ICE2: variants seen among roughly 807,000 people sequenced by gnomAD.
The protein encoded by ICE2 is interactor of little elongation complex ELL subunit 2.
In ICE2, 87 loss-of-function variants were observed where a neutral mutation model predicts 105.4. That is an observed-to-expected ratio of 0.83 (90% CI 0.69 to 0.99). The LOEUF is 0.99. Ranked by LOEUF, ICE2 falls within the 50% of genes least tolerant of loss-of-function variation. The probability of loss-of-function intolerance (pLI) is 0.00; values close to 1 mark genes in which losing one functional copy is unlikely to be tolerated. For missense variants in ICE2, 1,323 were observed against 1,146.7 expected (o/e 1.15, Z -2.22); for synonymous variants, 399 against 392.0 (o/e 1.02, Z -0.21).
intron 6 of ICE2, 75 bp downstream of exon 6, chr15:60,456,582 T>TAC (rs1328956504): frequency 2.6e-4 from 34 of 129,282 alleles, no homozygotes; most frequent in African/African-American, 8.1e-4. Context: ...TATATATATA[T>TAC]ATACACACAC....
intron 9 of ICE2, chr15:60,453,351 A>G (rs2064011846): frequency 8.1e-7 from 1 of 1,241,098 alleles, no homozygotes; most frequent in Admixed American, 3.9e-5. Flanking sequence ...TTTAACATAA[A>G]ATATCAAACT....
intron 11 of ICE2, among the ~76,000 whole-genome samples, chr15:60,446,389 T>A (rs565967494): frequency 6.6e-6 from 1 of 152,214 alleles, no homozygotes; most frequent in Non-Finnish European, 1.5e-5. Flanking sequence ...TGTGGAAAAG[T>A]TGGCACTTTT....
At chr15:60,466,292 T>C (rs7170244) in intron 5 of ICE2, among the ~76,000 whole-genome samples, 148,676 of 152,292 alleles carry the variant, frequency 0.98, 72,657 homozygotes, top group Middle Eastern at 1. Flanking sequence ...ACGCTTTAAA[T>C]GCTATTCTCT....
chr15:60,439,839 A>G (rs1032173748), intron 12 of ICE2: 4 of 152,316 alleles, frequency 2.6e-5, no homozygotes, highest in East Asian at 1.9e-4. Flanking sequence ...TTATGTCACA[A>G]TGCTTTCACT....
chr15:60,428,942 T>TTTTCA (rs1259662461), intron 14 of ICE2, among the ~76,000 whole-genome samples: 4 of 152,218 alleles, frequency 2.6e-5, no homozygotes, highest in Non-Finnish European at 4.4e-5. Flanking sequence ...AATTCGTAAG[T>TTTTCA]TTTCATTTAA....
At chr15:60,432,083 CA>C (rs2063472139) in intron 13 of ICE2, 99 bp from the exon 14 acceptor site, 1 of 548,648 alleles carries the variant, frequency 1.8e-6, no homozygotes, top group Non-Finnish European at 3.3e-6. Context: ...ATAACAACAA[CA>C]AAAACAGCGG....
At chr15:60,442,362 G>A (rs1266306757) in intron 12 of ICE2, 54 bp downstream of exon 12, 1 of 1,448,940 alleles carries the variant, frequency 6.9e-7, no homozygotes, top group Non-Finnish European at 9.4e-7. Context: ...GAATTTACAA[G>A]TATGTAATTA....
At chr15:60,465,855 G>A (rs145770071) in intron 5 of ICE2, among the ~76,000 whole-genome samples, 97 of 150,404 alleles carry the variant, frequency 6.4e-4, no homozygotes, top group African/African-American at 2.1e-3. Flanking sequence ...GGGTTCAAGC[G>A]ATTCTCCTGC....
chr15:60,451,077 A>G, intron 9 of ICE2: 1 of 690,532 alleles, frequency 1.4e-6, no homozygotes, highest in Non-Finnish European at 1.8e-6. Flanking sequence ...TGAAAAAAGA[A>G]AATCCATGAT....
chr15:60,445,653 A>T, intron 11 of ICE2: 1 of 984,516 alleles, frequency 1.0e-6, no homozygotes, highest in Non-Finnish European at 1.2e-6. Context: ...CTTGAAATTT[A>T]CAAATTTCAC....
At chr15:60,445,853 G>C in intron 11 of ICE2, 1 of 830,022 alleles carries the variant, frequency 1.2e-6, no homozygotes, top group Non-Finnish European at 1.5e-6. Flanking sequence ...AATGAGGTTA[G>C]CCTCAAAATA....
chr15:60,448,204 G>T, intron 10 of ICE2, 59 bp from the exon 11 acceptor site: 1 of 1,073,676 alleles, frequency 9.3e-7, no homozygotes, highest in Non-Finnish European at 1.3e-6. Flanking sequence ...TCATAAGCAA[G>T]GATACAACAA....
intron 5 of ICE2, among the ~76,000 whole-genome samples, chr15:60,461,354 T>TA (rs1430377779): frequency 1.3e-5 from 2 of 151,754 alleles, no homozygotes; most frequent in Non-Finnish European, 2.9e-5. Context: ...TACGGCTTAA[T>TA]AAAAATAAAA....
chr15:60,423,781 A>C lies in ICE2; in HGVS notation c.2821-19T>G. 6.4e-6 allele frequency: 10 copies of C among 1,561,490 alleles called. No homozygotes were observed. The highest frequency in any genetic ancestry group is 8.6e-6 in the Non-Finnish European group (10 of 1,160,366). On this transcript the variant is annotated intron_variant, in intron 15 of 15. Coordinates refer to ENST00000261520, the MANE Select transcript of ICE2 (RefSeq NM_024611.6). ...CACCAATCTAAGAGATGAAGCAGAG[A>C]ACAGAATAGCTTAATGTATCTACAA...
chr15:60,440,402 T>C (rs2063694066), intron 12 of ICE2: 1 of 152,190 alleles, frequency 6.6e-6, no homozygotes, highest in South Asian at 2.1e-4. Context: ...TGGGAAACTG[T>C]CTTAAAGGAG....
chr15:60,471,577 A>G (rs768896559), intron 3 of ICE2, among the ~76,000 whole-genome samples: 4 of 152,360 alleles, frequency 2.6e-5, no homozygotes, highest in African/African-American at 7.2e-5. Context: ...TAAATTGGCT[A>G]CATTCAGCAA....
At chr15:60,451,719 C>T in intron 9 of ICE2, 1 of 592,732 alleles carries the variant, frequency 1.7e-6, no homozygotes, top group Non-Finnish European at 2.1e-6. Flanking sequence ...CACCCTGACT[C>T]CTGAGGTGCA....
chr15:60,432,280 C>T (rs574530543), intron 13 of ICE2, among the ~76,000 whole-genome samples: 15 of 150,326 alleles, frequency 1.0e-4, no homozygotes, highest in Non-Finnish European at 1.2e-4. Flanking sequence ...CTCCACCTCC[C>T]GGATTCAAGT....
At position 60,449,688 on chromosome 15, in the gene ICE2, T is replaced by G. The variant is rs201663406; in HGVS notation, c.1279A>C (p.Asn427His). 6.8e-6 allele frequency: 11 copies of G among 1,614,158 alleles called. No individual in the cohort carries two copies. The Admixed American group carries it at 1.2e-4, about 17-fold the overall frequency. ...GGGGCTGTAGGAGCATCTGTCATGT[T>G]AGGTACTGTGGAAGTACTTGCTGGA... Reference protein sequence around the residue: ...PSPASTSTVPNMTDAPTAPKA... With the variant: ...PSPASTSTVPHMTDAPTAPKA... The change falls in exon 10 of 16, where the codon AAC becomes CAC. Residue 427 changes from asparagine (N) to histidine (H), a missense_variant. Transcript: ENST00000261520.
Sources: gnomAD v4.1 joint callset for allele counts (sites outside exome capture counted in the v4.1 genomes callset) on GRCh38, gnomAD v4.1.1 for gene constraint, MANE v1.5 for transcripts, NCBI Gene and HGNC (gene_info 2026-07-23, HGNC 2026-07-21) for gene names.